Variants in EYS observed in about 807,000 individuals in gnomAD.
EYS encodes protein eyes shut homolog.
In EYS, 250 loss-of-function variants were observed where a neutral mutation model predicts 282.1. The ratio of observed to expected loss-of-function variants is 0.89; its 90% confidence interval spans 0.80 to 0.98. The LOEUF (loss-of-function observed/expected upper bound fraction) is 0.98. Ranked by LOEUF, EYS falls within the 50% of genes least tolerant of loss-of-function variation. EYS has a pLI of 0.00. For missense variants in EYS, 4,016 were observed against 3,709.0 expected (o/e 1.08, Z -2.15); for synonymous variants, 1,355 against 1,282.9 (o/e 1.06, Z -1.20).
intron 2 of EYS, among the ~76,000 whole-genome samples, chr6:65,639,237 G>T (rs1767196904): frequency 6.6e-6 from 1 of 152,144 alleles, no homozygotes; most frequent in Admixed American, 6.5e-5. Flanking sequence ...AAAACTAGTT[G>T]TCAGTGGAAG....
intron 1 of EYS, among the ~76,000 whole-genome samples, chr6:65,663,486 T>G (rs544815752): frequency 3.3e-5 from 5 of 152,136 alleles, no homozygotes; most frequent in African/African-American, 1.2e-4. Flanking sequence ...AAGAAAGGAA[T>G]TATCACTAGC....
At chr6:65,172,450 G>A (rs1049054067) in intron 12 of EYS, among the ~76,000 whole-genome samples, 12 of 151,478 alleles carry the variant, frequency 7.9e-5, no homozygotes, top group African/African-American at 2.9e-4. Context: ...TATGATATTG[G>A]CCATTCTGCT....
chr6:65,274,825 G>A (rs1359213790), intron 12 of EYS, among the ~76,000 whole-genome samples: 1 of 151,948 alleles, frequency 6.6e-6, no homozygotes, highest in East Asian at 1.9e-4. Flanking sequence ...AACATTTCTA[G>A]GGGTCCATAG....
At position 64,712,212 on chromosome 6, in the gene EYS, T is replaced by C. The variant is rs1305871309; in HGVS notation, c.3444-85967A>G. The stretch of plus-strand genomic sequence containing the variant: ...GTAGCAATGTGTGTGTGAAATAAAA[T>C]AGTGTGTGAATGTGAGTCTAAGAAA... On this transcript the variant is annotated intron_variant, in intron 22 of 42. Transcript: ENST00000503581. 2.0e-5 allele frequency among the ~76,000 whole-genome samples: 3 copies of C among 152,212 alleles called. 1 individual carries two copies. The highest frequency in any genetic ancestry group is 6.5e-5 in the Admixed American group (1 of 15,286).
chr6:64,363,173 T>C (rs930721530), intron 29 of EYS, among the ~76,000 whole-genome samples: 2 of 151,864 alleles, frequency 1.3e-5, no homozygotes, highest in Admixed American at 6.6e-5. Context: ...TTCTCATTTA[T>C]TTGTGATTCT....
intron 2 of EYS, among the ~76,000 whole-genome samples, chr6:65,575,637 A>G (rs997319707): frequency 2.0e-5 from 3 of 151,940 alleles, no homozygotes; most frequent in Non-Finnish European, 4.4e-5. Flanking sequence ...GCAACAGAAA[A>G]GAAATCAACC....
chr6:64,679,294 G>A (rs1769815968), intron 22 of EYS, among the ~76,000 whole-genome samples: 1 of 152,080 alleles, frequency 6.6e-6, no homozygotes, highest in South Asian at 2.1e-4. Context: ...AAAAAAGGCT[G>A]CATAGCTTTT....
At chr6:64,646,316 G>A (rs905586796) in intron 22 of EYS, among the ~76,000 whole-genome samples, 12 of 152,218 alleles carry the variant, frequency 7.9e-5, no homozygotes, top group African/African-American at 2.4e-4. Flanking sequence ...TTGGTAAAAT[G>A]CTTGAGAAAG....
intron 31 of EYS, among the ~76,000 whole-genome samples, chr6:64,160,778 A>G (rs1476799055): frequency 6.6e-6 from 1 of 152,250 alleles, no homozygotes; most frequent in Non-Finnish European, 1.5e-5. Flanking sequence ...CACCTGCCAA[A>G]TACACAGCCT....
At chr6:64,119,853 A>G (rs1773514717) in intron 31 of EYS, among the ~76,000 whole-genome samples, 1 of 152,208 alleles carries the variant, frequency 6.6e-6, no homozygotes, top group Non-Finnish European at 1.5e-5. Context: ...CTTATTTTCC[A>G]TGGCATTTTC....
intron 11 of EYS, chr6:65,332,567 T>C (rs528145752): frequency 2.1e-4 from 117 of 567,274 alleles, no homozygotes; most frequent in Non-Finnish European, 3.2e-4. Context: ...TAGTGCTATA[T>C]AGAGGGATTG....
At chr6:63,908,037 TGTGTG>T (rs1773826843) in intron 35 of EYS, among the ~76,000 whole-genome samples, 1 of 35,046 alleles carries the variant, frequency 2.9e-5, no homozygotes, top group Non-Finnish European at 4.8e-5. Context: ...TATATACGTT[TGTGTG>T]TGTGTGTGTG....
intron 12 of EYS, among the ~76,000 whole-genome samples, chr6:65,155,505 G>A (rs774844830): frequency 5.9e-5 from 9 of 151,468 alleles, no homozygotes; most frequent in Non-Finnish European, 1.0e-4. Flanking sequence ...CAAAGGGGGA[G>A]TTTGTAGATT....
intron 22 of EYS, among the ~76,000 whole-genome samples, chr6:64,798,545 A>C (rs558682742): frequency 3.2e-4 from 48 of 150,336 alleles, no homozygotes; most frequent in African/African-American, 1.1e-3. Context: ...TCTAAAATTG[A>C]CTATGTTCCT....
intron 22 of EYS, among the ~76,000 whole-genome samples, chr6:64,806,659 G>C (rs1160308721): frequency 6.6e-6 from 1 of 151,710 alleles, no homozygotes; most frequent in African/African-American, 2.4e-5. Context: ...GTAAGGGCAA[G>C]AATATGAAAC....
intron 13 of EYS, among the ~76,000 whole-genome samples, chr6:65,012,979 A>G (rs1771927900): frequency 6.6e-6 from 1 of 152,172 alleles, no homozygotes. Flanking sequence ...TATGAGATTG[A>G]AATGTATTAT....
chr6:64,158,838 C>A (rs992925462), intron 31 of EYS, among the ~76,000 whole-genome samples: 3 of 152,156 alleles, frequency 2.0e-5, no homozygotes, highest in Admixed American at 6.5e-5. Context: ...CACTATAGTA[C>A]TTGAAGAAGA....
chr6:64,602,266 T>C (rs1227560651), intron 24 of EYS, among the ~76,000 whole-genome samples: 1 of 152,094 alleles, frequency 6.6e-6, no homozygotes, highest in African/African-American at 2.4e-5. Flanking sequence ...TAAAATTATA[T>C]TTACAAAATT....
Position 64,270,539 on chromosome 6 carries a change from ATACT to A in EYS, c.6191+36427_6191+36430del, listed in dbSNP as rs1767908530. Among the ~76,000 whole-genome samples the A allele has an allele frequency of 2.0e-5, 3 of 152,184 alleles. No homozygotes were observed. The South Asian group carries it at 6.2e-4, about 31-fold the overall frequency. Reference sequence around the variant, plus strand: ...CACAATGAAATTCACATAATTGCTGATACTTAATGAAAATGAAAGATTTATATGC... The same window carrying A: ...CACAATGAAATTCACATAATTGCTGATAATGAAAATGAAAGATTTATATGC... On this transcript the variant is annotated intron_variant, in intron 30 of 42. Coordinates refer to ENST00000503581, the MANE Select transcript of EYS (RefSeq NM_001142800.2).
Sources: allele counts gnomAD v4.1 joint callset (sites outside exome capture counted in the v4.1 genomes callset), GRCh38; gene constraint gnomAD v4.1.1; transcripts MANE v1.5; gene names NCBI Gene and HGNC (gene_info 2026-07-23, HGNC 2026-07-21).